NYAP2: variants seen among roughly 807,000 people sequenced by gnomAD.
NYAP2 encodes neuronal tyrosine-phosphorylated phosphoinositide-3-kinase adapter 2.
NYAP2 carries 23 observed loss-of-function variants against 50.4 expected under a neutral mutation model. That is an observed-to-expected ratio of 0.46 (90% CI 0.33 to 0.65). The LOEUF is 0.65. Ranked by LOEUF, NYAP2 falls within the 30% of genes least tolerant of loss-of-function variation. The pLI is 0.02. For synonymous variants in NYAP2, 394 were observed against 365.2 expected (o/e 1.08, Z -0.90); for missense variants, 885 against 861.0 (o/e 1.03, Z -0.35).
chr2:225,517,117 G>A (rs1266038015), intron 4 of NYAP2, among the ~76,000 whole-genome samples: 1 of 152,066 alleles, frequency 6.6e-6, no homozygotes, highest in Non-Finnish European at 1.5e-5. Flanking sequence ...TTTAAAAATT[G>A]TAACTCTGTT....
At chr2:225,613,176 C>T (rs1276636523) in intron 5 of NYAP2, among the ~76,000 whole-genome samples, 2 of 152,130 alleles carry the variant, frequency 1.3e-5, no homozygotes, top group Non-Finnish European at 2.9e-5. Context: ...GTAGGGAAGC[C>T]TACAGTGCAG....
intron 3 of NYAP2, among the ~76,000 whole-genome samples, chr2:225,507,373 A>G (rs911794269): frequency 1.3e-5 from 2 of 152,210 alleles, no homozygotes; most frequent in African/African-American, 4.8e-5. Flanking sequence ...AGCAGTTCTC[A>G]TAAGGAAACA....
chr2:225,541,855 T>C (rs749057127), intron 4 of NYAP2, among the ~76,000 whole-genome samples: 1 of 152,164 alleles, frequency 6.6e-6, no homozygotes, highest in Non-Finnish European at 1.5e-5. Context: ...AAAGGTTGCA[T>C]TGAATCTGGA....
At chr2:225,470,809 A>ATG (rs1339042384) in intron 3 of NYAP2, among the ~76,000 whole-genome samples, 1 of 133,600 alleles carries the variant, frequency 7.5e-6, no homozygotes, top group African/African-American at 3.7e-5. Context: ...ATATGTATGT[A>ATG]TATGTGTGTG....
At chr2:225,646,006 T>C (rs1467782830) in intron 6 of NYAP2, among the ~76,000 whole-genome samples, 1 of 152,192 alleles carries the variant, frequency 6.6e-6, no homozygotes, top group African/African-American at 2.4e-5. Flanking sequence ...AATTGCACTT[T>C]GATGTCACAG....
intron 5 of NYAP2, among the ~76,000 whole-genome samples, chr2:225,588,180 CT>C (rs1692421414): frequency 1.3e-5 from 2 of 152,300 alleles, no homozygotes; most frequent in South Asian, 4.1e-4. Flanking sequence ...CCTGCCTCGG[CT>C]TCCCAAAGTG....
intron 5 of NYAP2, among the ~76,000 whole-genome samples, chr2:225,603,543 T>A (rs1692733907): frequency 6.6e-6 from 1 of 152,112 alleles, no homozygotes; most frequent in Non-Finnish European, 1.5e-5. Flanking sequence ...CTCACTGCAA[T>A]CTCCTCCTTC....
chr2:225,514,681 A>C (rs1351889119), intron 4 of NYAP2, among the ~76,000 whole-genome samples: 1 of 152,156 alleles, frequency 6.6e-6, no homozygotes, highest in Non-Finnish European at 1.5e-5. Flanking sequence ...TGGGGAGCAC[A>C]AACATTCAGC....
At chr2:225,512,848 TCTTTCTTC>T (rs1172891076) in intron 3 of NYAP2, among the ~76,000 whole-genome samples, 18 of 126,868 alleles carry the variant, frequency 1.4e-4, no homozygotes, top group Non-Finnish European at 2.8e-4. Flanking sequence ...TTTCTTTCTT[TCTTTCTTC>T]CTTCCTTCCT....
At chr2:225,401,986 C>T (rs904502685) in intron 2 of NYAP2, among the ~76,000 whole-genome samples, 7 of 151,968 alleles carry the variant, frequency 4.6e-5, no homozygotes, top group African/African-American at 1.7e-4. Context: ...CTTCCTAATT[C>T]TTCACATTTT....
rs573657105 is a variant in NYAP2 at position 225,473,378 on chromosome 2, C to T, written c.222-39993C>T. 1.1e-4 allele frequency among the ~76,000 whole-genome samples: 17 copies of T among 152,298 alleles called. No homozygotes were observed. The South Asian group carries it at 2.3e-3, about 20-fold the overall frequency. Reference sequence around the variant, plus strand: ...TTCTAGTTCTAGATCCCTCAGGAATCGCCACACTGTCTTCCACAATGGTTG... The same window carrying T: ...TTCTAGTTCTAGATCCCTCAGGAATTGCCACACTGTCTTCCACAATGGTTG... On this transcript the variant is annotated intron_variant, in intron 3 of 6. Coordinates refer to ENST00000636099, the Ensembl canonical transcript of NYAP2.
chr2:225,595,391 C>T (rs1233367081), intron 5 of NYAP2, among the ~76,000 whole-genome samples: 1 of 152,138 alleles, frequency 6.6e-6, no homozygotes, highest in Non-Finnish European at 1.5e-5. Context: ...TTGTTAGTAG[C>T]CTGCAACAGA....
At chr2:225,479,251 A>C (rs1690167265) in intron 3 of NYAP2, among the ~76,000 whole-genome samples, 1 of 152,148 alleles carries the variant, frequency 6.6e-6, no homozygotes, top group Admixed American at 6.5e-5. Flanking sequence ...CTGCCACCAA[A>C]TCCATCCCTT....
intron 6 of NYAP2, among the ~76,000 whole-genome samples, chr2:225,628,640 T>A (rs1315934374): frequency 1.3e-5 from 2 of 152,098 alleles, no homozygotes; most frequent in Admixed American, 1.3e-4. Flanking sequence ...AGTGTTTTTA[T>A]GGGGAAAAAA....
intron 3 of NYAP2, among the ~76,000 whole-genome samples, chr2:225,479,669 A>T (rs1484415993): frequency 6.6e-6 from 1 of 151,936 alleles, no homozygotes; most frequent in African/African-American, 2.4e-5. Context: ...TAAATCCACC[A>T]GTAATTACCA....
intron 3 of NYAP2, among the ~76,000 whole-genome samples, chr2:225,477,231 CTTTTTTTTTTTT>C (rs11378712): frequency 9.1e-5 from 8 of 87,472 alleles, no homozygotes; most frequent in Non-Finnish European, 1.2e-4. Context: ...GTCTCTATTT[CTTTTTTTTTTTT>C]TTTTTTTTTT....
At chr2:225,428,229 T>A (rs192530570) in intron 3 of NYAP2, among the ~76,000 whole-genome samples, 26 of 152,344 alleles carry the variant, frequency 1.7e-4, no homozygotes, top group Non-Finnish European at 2.1e-4. Context: ...TTCATTTTTG[T>A]CCCAGTCATA....
chr2:225,551,391 T>G (rs570710859), intron 4 of NYAP2, among the ~76,000 whole-genome samples: 1 of 152,324 alleles, frequency 6.6e-6, no homozygotes, highest in East Asian at 1.9e-4. Context: ...TAAGACTACA[T>G]GAAGTGAGAT....
chr2:225,536,961 G>A (rs1020832620), intron 4 of NYAP2, among the ~76,000 whole-genome samples: 2 of 151,718 alleles, frequency 1.3e-5, no homozygotes, highest in African/African-American at 4.8e-5. Context: ...ATTTTTTTTA[G>A]TAGAGACGAG....
Sources: gnomAD v4.1 joint callset for allele counts (sites outside exome capture counted in the v4.1 genomes callset) on GRCh38, gnomAD v4.1.1 for gene constraint, MANE v1.5 for transcripts, NCBI Gene and HGNC (gene_info 2026-07-23, HGNC 2026-07-21) for gene names.